Variants in GAREM1 observed in about 807,000 individuals in gnomAD.
GAREM1 encodes GRB2 associated regulator of MAPK1 subtype 1, also known as GRB2-associated and regulator of MAPK protein 1.
GAREM1 carries 26 observed loss-of-function variants against 71.3 expected under a neutral mutation model. The ratio of observed to expected loss-of-function variants is 0.36; its 90% CI spans 0.27 to 0.51. GAREM1 has a LOEUF of 0.51. GAREM1 is among the 20% of genes least tolerant of loss of function. The pLI is 0.95. For missense variants in GAREM1, 1,026 were observed against 1,103.1 expected (o/e 0.93, Z 0.99); for synonymous variants, 440 against 433.2 (o/e 1.02, Z -0.20).
chr18:32,268,369 A>C lies in GAREM1; in HGVS notation c.2133T>G (p.Leu711=). ...TACTCTGCTTTGTCACACCAGCTGC[A>C]AGAGATTTCACATCTGTGCTCTCCA... ...YSLESTDVKS[L]AAGVTKQSTS... is the part of the protein sequence containing the mutation. The change falls in exon 6 of 6, where the codon CTT becomes CTG. Residue 711 remains leucine (L), a synonymous_variant. Coordinates refer to ENST00000269209, the MANE Select transcript of GAREM1 (RefSeq NM_001242409.2). 1 of 1,614,160 alleles carries C rather than the reference A, an allele frequency of 6.2e-7. No homozygotes were observed. The highest frequency in any genetic ancestry group is 8.5e-7 in the Non-Finnish European group (1 of 1,180,020).
intron 2 of GAREM1, among the ~76,000 whole-genome samples, chr18:32,346,956 A>G (rs1320053427): frequency 1.3e-5 from 2 of 152,182 alleles, no homozygotes; most frequent in African/African-American, 4.8e-5. Flanking sequence ...AACTCAGTGC[A>G]ATTCACTCTT....
In GAREM1 at chr18:32,286,986, G is replaced by C. The variant is rs2144463912; in HGVS notation, c.1566+45C>G. 2.2e-6 allele frequency: 3 copies of C among 1,349,588 alleles called. No homozygotes were observed. In the East Asian group the frequency reaches 6.9e-5, roughly 31 times the overall value. 83.6% of individuals were successfully genotyped at this position (1,349,588 alleles called of 1,614,324 possible). A position where few individuals can be genotyped will look rare whatever the true frequency, so the allele number is the denominator to read the frequency against. On this transcript the variant is annotated intron_variant, in intron 4 of 5. Coordinates refer to ENST00000269209, the MANE Select transcript of GAREM1 (RefSeq NM_001242409.2). ...ATAAATTAGTGGATGACTGAGCAGA[G>C]AGACAGAAAGACTGGCACCGCATTC...
At chr18:32,289,750 C>A (rs932520517) in intron 3 of GAREM1, among the ~76,000 whole-genome samples, 2 of 152,110 alleles carry the variant, frequency 1.3e-5, no homozygotes, top group Non-Finnish European at 2.9e-5. Flanking sequence ...CTGTTTGCAT[C>A]TAGTGGGTAG....
At position 32,354,636 on chromosome 18, in the gene GAREM1, AAGAGACGGC is replaced by A. The variant is rs1441843019; in HGVS notation, c.262+38250_262+38258del. On this transcript the variant is annotated intron_variant, in intron 2 of 5. Coordinates refer to ENST00000269209, the MANE Select transcript of GAREM1 (RefSeq NM_001242409.2). Reference sequence around the variant, plus strand: ...ATTCTGATCATCCAGAATGGGCTAGAAGAGACGGCAGAGACAGTGGGGTCAACTCCCTCC... The same window carrying A: ...ATTCTGATCATCCAGAATGGGCTAGAAGAGACAGTGGGGTCAACTCCCTCC... Among the ~76,000 whole-genome samples, 9 of 152,202 alleles carry A rather than the reference AAGAGACGGC, an allele frequency of 5.9e-5. 1 individual carries two copies. Among genetic ancestry groups the A allele is most frequent in the Admixed American group, 5.9e-4 (9 of 15,278 alleles).
rs146819233 is a variant in GAREM1 at position 32,456,805 on chromosome 18, C to T, written c.121+13503G>A. On this transcript the variant is annotated intron_variant, in intron 1 of 5. Coordinates refer to ENST00000269209, the MANE Select transcript of GAREM1 (RefSeq NM_001242409.2). ...GCCAATAAAAGGAAACAAATTAACT[C>T]CTGTCAATAAAAGAATGAGTATTTT... Among the ~76,000 whole-genome samples the T allele has an allele frequency of 6.6e-5, 10 of 152,164 alleles. No homozygotes were observed. The East Asian group carries it at 1.7e-3, about 26-fold the overall frequency.
chr18:32,317,631 G>A (rs1221442576), intron 2 of GAREM1, among the ~76,000 whole-genome samples: 2 of 151,132 alleles, frequency 1.3e-5, no homozygotes, highest in East Asian at 3.9e-4. Flanking sequence ...CAAACATGAA[G>A]GCCTACATTT....
intron 2 of GAREM1, among the ~76,000 whole-genome samples, chr18:32,334,300 A>G (rs1351803001): frequency 2.6e-5 from 4 of 152,206 alleles, no homozygotes; most frequent in Non-Finnish European, 4.4e-5. Context: ...TTTAGATTCT[A>G]CCGGCAACAG....
At position 32,287,805 on chromosome 18, in the gene GAREM1, G is replaced by A. The variant is rs2047041046; in HGVS notation, c.792C>T (p.Phe264=). 2 of 1,613,762 alleles carry A rather than the reference G, an allele frequency of 1.2e-6. No individual in the cohort carries two copies. Among genetic ancestry groups the A allele is most frequent in the African/African-American group, 1.3e-5 (1 of 74,784 alleles). ...ACTTATAGCGGTGCCCCTCACGGAT[G>A]AAGTGGAGGTCGTATGGGTTTCTCG... ...PPPRNPYDLH[F]IREGHRYKFV... The change falls in exon 4 of 6, where the codon TTC becomes TTT. Residue 264 remains phenylalanine, a synonymous_variant. Transcript: ENST00000269209. The surrounding 1 kb of genome is among the most constrained non-coding windows in gnomAD (Gnocchi z 5.9).
chr18:32,329,638 G>A (rs1367816985), intron 2 of GAREM1, among the ~76,000 whole-genome samples: 1 of 148,126 alleles, frequency 6.8e-6, no homozygotes, highest in Non-Finnish European at 1.5e-5. Flanking sequence ...CCCAGGAGGC[G>A]GAGGTTACAG....
At chr18:32,290,587 A>G (rs606576) in intron 3 of GAREM1, among the ~76,000 whole-genome samples, 52,569 of 148,358 alleles carry the variant, frequency 0.35, 11,769 homozygotes, top group African/African-American at 0.64. Context: ...AGAGGTTGCA[A>G]TGAGCCAAGA....
At chr18:32,437,802 T>A (rs1263327161) in intron 1 of GAREM1, among the ~76,000 whole-genome samples, 1 of 152,224 alleles carries the variant, frequency 6.6e-6, no homozygotes, top group African/African-American at 2.4e-5. Context: ...ATAGCAAATA[T>A]AAGTTTTAAA....
At chr18:32,294,889 TTG>T (rs1359914167) in intron 3 of GAREM1, among the ~76,000 whole-genome samples, 3 of 152,176 alleles carry the variant, frequency 2.0e-5, no homozygotes, top group East Asian at 1.9e-4. Flanking sequence ...AATGAGAATA[TTG>T]TGTTTTAATA....
Position 32,322,529 on chromosome 18 carries a change from ATGAC to A in GAREM1, c.263-12210_263-12207del, listed in dbSNP as rs1175878141. Among the ~76,000 whole-genome samples, 8 of 152,386 alleles carry A rather than the reference ATGAC, an allele frequency of 5.2e-5. No homozygotes were observed. The East Asian group carries it at 1.2e-3, about 22-fold the overall frequency. ...CACCTGAAAGAATCTTATCTTTTGA[ATGAC>A]TGCATTATCTACAGATTTTTATCAA... On this transcript the variant is annotated intron_variant, in intron 2 of 5. Coordinates refer to ENST00000269209, the MANE Select transcript of GAREM1 (RefSeq NM_001242409.2).
intron 1 of GAREM1, among the ~76,000 whole-genome samples, chr18:32,421,328 T>G (rs1387118245): frequency 6.6e-6 from 1 of 152,208 alleles, no homozygotes; most frequent in Non-Finnish European, 1.5e-5. Flanking sequence ...TCTAACTCAT[T>G]GTCCCTCAGG....
At chr18:32,370,090 C>A (rs1567983237) in intron 2 of GAREM1, among the ~76,000 whole-genome samples, 1 of 152,138 alleles carries the variant, frequency 6.6e-6, no homozygotes, top group East Asian at 1.9e-4. Context: ...TACTTCATGG[C>A]AATTTTAAAG....
chr18:32,412,829 A>G (rs2048433440), intron 1 of GAREM1: 2 of 694,670 alleles, frequency 2.9e-6, no homozygotes. Flanking sequence ...GATGTTCTTC[A>G]GTGTCTTCTT....
intron 1 of GAREM1, among the ~76,000 whole-genome samples, chr18:32,440,414 C>G (rs1409760239): frequency 6.6e-6 from 1 of 152,146 alleles, no homozygotes; most frequent in Non-Finnish European, 1.5e-5. Context: ...GCCAGCCCTG[C>G]TTAATATTGT....
intron 2 of GAREM1, 90 bp from the exon 3 acceptor site, chr18:32,310,413 C>T (rs2047307388): frequency 1.5e-6 from 2 of 1,339,162 alleles, no homozygotes; most frequent in Non-Finnish European, 2.0e-6. Context: ...TTACCCCAGC[C>T]CTTTTTTTGT....
At chr18:32,426,414 A>T (rs770614459) in intron 1 of GAREM1, among the ~76,000 whole-genome samples, 1 of 152,214 alleles carries the variant, frequency 6.6e-6, no homozygotes, top group Non-Finnish European at 1.5e-5. Flanking sequence ...GTTCTTAAAA[A>T]TTATATTCTT....
Sources: allele counts gnomAD v4.1 joint callset (sites outside exome capture counted in the v4.1 genomes callset), GRCh38; gene constraint gnomAD v4.1.1; non-coding constraint Gnocchi (gnomAD v3.1); transcripts MANE v1.5; gene names NCBI Gene and HGNC (gene_info 2026-07-23, HGNC 2026-07-21).